The following THRB variants were observed in gnomAD, a reference collection of about 807,000 sequenced individuals.
THRB encodes the protein nuclear receptor subfamily 1 group A member 2.
THRB carries 12 observed loss-of-function variants against 47.8 expected under a neutral mutation model. The ratio of observed to expected loss-of-function variants is 0.25; its 90% CI spans 0.16 to 0.41. The LOEUF is 0.41. Among genes scored for constraint, THRB ranks in the 10% least tolerant of loss-of-function variants. The pLI, the probability that THRB is intolerant of heterozygous loss-of-function variation, is 1.00. For synonymous variants in THRB, 218 were observed against 212.2 expected, an observed-to-expected ratio of 1.03 and a Z score of -0.24; for missense variants, 348 against 589.2, an observed-to-expected ratio of 0.59 and a Z score of 4.24.
chr3:24,156,384 A>G (rs949543258), intron 5 of THRB, among the ~76,000 whole-genome samples: 2 of 152,362 alleles, frequency 1.3e-5, no homozygotes, highest in Non-Finnish European at 2.9e-5. Flanking sequence ...TGGCAGATAC[A>G]TGGCCCTTAG....
chr3:24,312,624 A>G (rs2057831617), intron 2 of THRB, among the ~76,000 whole-genome samples: 1 of 152,122 alleles, frequency 6.6e-6, no homozygotes, highest in African/African-American at 2.4e-5. Context: ...ATCCTTCAAT[A>G]ATTTTCACAT....
intron 4 of THRB, among the ~76,000 whole-genome samples, chr3:24,207,021 A>G (rs1286568941): frequency 6.6e-6 from 1 of 152,172 alleles, no homozygotes; most frequent in Non-Finnish European, 1.5e-5. Flanking sequence ...CCAACCAAAA[A>G]AAGTCCAGGA....
chr3:24,284,735 GA>G lies in THRB; in HGVS notation c.-43+12490del, dbSNP rs2055057970. Among the ~76,000 whole-genome samples, 2 of 149,184 alleles carry G rather than the reference GA, an allele frequency of 1.3e-5. 1 individual carries two copies. Among genetic ancestry groups the G allele is most frequent in the Non-Finnish European group, 2.9e-5 (2 of 67,976 alleles). ...ACAATGAACTCAAACAGATTTACAAGAAAAAAACAAACAACCCCATCAAAAA... is the reference window on the plus strand; with the variant it reads ...ACAATGAACTCAAACAGATTTACAAGAAAAAACAAACAACCCCATCAAAAA... On this transcript the variant is annotated intron_variant, in intron 3 of 10. Transcript: ENST00000646209.
intron 3 of THRB, among the ~76,000 whole-genome samples, chr3:24,288,803 G>A (rs746826741): frequency 5.9e-5 from 9 of 152,178 alleles, no homozygotes; most frequent in African/African-American, 1.4e-4. Flanking sequence ...AAGTAGACTG[G>A]AAAGCGTCAG....
chr3:24,261,771 C>A (rs2052066122), intron 3 of THRB, among the ~76,000 whole-genome samples: 1 of 152,188 alleles, frequency 6.6e-6, no homozygotes, highest in Admixed American at 6.5e-5. Context: ...CTATCAGCAA[C>A]ACTTGATACA....
At chr3:24,326,751 C>CT (rs2061616345) in intron 2 of THRB, among the ~76,000 whole-genome samples, 1 of 67,622 alleles carries the variant, frequency 1.5e-5, no homozygotes, top group Non-Finnish European at 2.6e-5. Context: ...GCTGTCCAGT[C>CT]TTGTCTTTTT....
intron 1 of THRB, among the ~76,000 whole-genome samples, chr3:24,439,061 T>C (rs2071270057): frequency 6.6e-6 from 1 of 152,056 alleles, no homozygotes. Flanking sequence ...CACTCAGAGG[T>C]CATTCTGCAC....
At chr3:24,193,597 ATAT>A (rs1275538416) in intron 4 of THRB, among the ~76,000 whole-genome samples, 2 of 152,206 alleles carry the variant, frequency 1.3e-5, no homozygotes, top group Non-Finnish European at 2.9e-5. Context: ...TGTTAATTAG[ATAT>A]TATCTTGTAG....
chr3:24,454,202 T>C (rs1454124278), intron 1 of THRB, among the ~76,000 whole-genome samples: 1 of 152,224 alleles, frequency 6.6e-6, no homozygotes, highest in Non-Finnish European at 1.5e-5. Context: ...CGATACATGG[T>C]ATGACATGGA....
intron 4 of THRB, among the ~76,000 whole-genome samples, chr3:24,208,881 A>C (rs553379463): frequency 1.8e-4 from 27 of 152,374 alleles, no homozygotes; most frequent in African/African-American, 6.3e-4. Context: ...CACAGCAAAG[A>C]AACTACCATC....
intron 3 of THRB, among the ~76,000 whole-genome samples, chr3:24,241,110 G>A (rs970022877): frequency 2.6e-5 from 4 of 152,164 alleles, no homozygotes; most frequent in Admixed American, 6.5e-5. Flanking sequence ...AAACGGCAAT[G>A]AGACACAATG....
At chr3:24,317,324 G>GA (rs2058185024) in intron 2 of THRB, among the ~76,000 whole-genome samples, 1 of 152,102 alleles carries the variant, frequency 6.6e-6, no homozygotes, top group South Asian at 2.1e-4. Context: ...ATGGAAAATC[G>GA]AAAGAGGTGC....
At chr3:24,296,168 G>A (rs1261133697) in intron 3 of THRB, among the ~76,000 whole-genome samples, 2 of 152,196 alleles carry the variant, frequency 1.3e-5, no homozygotes, top group African/African-American at 2.4e-5. Flanking sequence ...CCAGCCTAGA[G>A]TCAAGAGCTT....
intron 2 of THRB, among the ~76,000 whole-genome samples, chr3:24,314,127 T>A (rs563684383): frequency 6.6e-6 from 1 of 152,242 alleles, no homozygotes; most frequent in Non-Finnish European, 1.5e-5. Context: ...CCCAATCACC[T>A]AATGATAGAT....
chr3:24,424,517 A>T (rs2069570190), intron 1 of THRB, among the ~76,000 whole-genome samples: 1 of 151,918 alleles, frequency 6.6e-6, no homozygotes, highest in Admixed American at 6.6e-5. Context: ...ACTGAATCAG[A>T]AAGTCTAGGG....
chr3:24,406,246 T>C (rs2067817565), intron 1 of THRB, among the ~76,000 whole-genome samples: 1 of 151,730 alleles, frequency 6.6e-6, no homozygotes, highest in South Asian at 2.1e-4. Context: ...TTGAAATATA[T>C]AGAGAATTTT....
intron 1 of THRB, among the ~76,000 whole-genome samples, chr3:24,437,400 A>G (rs2071081516): frequency 6.6e-6 from 1 of 152,014 alleles, no homozygotes; most frequent in Non-Finnish European, 1.5e-5. Context: ...GGGGAAGATG[A>G]AGAGAAGTTG....
intron 1 of THRB, among the ~76,000 whole-genome samples, chr3:24,399,120 C>T (rs2067205838): frequency 6.6e-6 from 1 of 151,660 alleles, no homozygotes; most frequent in Non-Finnish European, 1.5e-5. Context: ...GGAGATATAC[C>T]TCATGTAAAT....
At chr3:24,406,743 G>C (rs560971613) in intron 1 of THRB, among the ~76,000 whole-genome samples, 1 of 151,926 alleles carries the variant, frequency 6.6e-6, no homozygotes, top group East Asian at 1.9e-4. Context: ...TTAAAAATGA[G>C]ATTTGGTATA....
Sources: gnomAD v4.1 joint callset for allele counts (sites outside exome capture counted in the v4.1 genomes callset) on GRCh38, gnomAD v4.1.1 for gene constraint, MANE v1.5 for transcripts, NCBI Gene and HGNC (gene_info 2026-07-23, HGNC 2026-07-21) for gene names.